Variants in NCALD observed in about 807,000 individuals in gnomAD.
NCALD encodes the protein neurocalcin-delta.
Under a neutral mutation model 18.6 loss-of-function variants are expected in NCALD, and 10 were observed. The ratio of observed to expected loss-of-function variants is 0.54; its 90% confidence interval spans 0.33 to 0.91. The LOEUF (loss-of-function observed/expected upper bound fraction) is 0.91, where lower values mean the gene tolerates loss of function less well. Among genes scored for constraint, NCALD ranks in the 40% least tolerant of loss-of-function variants. NCALD has a pLI of 0.03. For synonymous variants in NCALD, 88 were observed against 87.4 expected (o/e 1.01, Z -0.04); for missense variants, 184 against 247.6 (o/e 0.74, Z 1.72).
chr8:101,906,055 G>A (rs1258643250), intron 3 of NCALD, among the ~76,000 whole-genome samples: 1 of 152,116 alleles, frequency 6.6e-6, no homozygotes, highest in Non-Finnish European at 1.5e-5. Flanking sequence ...CTCATTGTTT[G>A]CTTACCATCA....
intron 4 of NCALD, among the ~76,000 whole-genome samples, chr8:101,882,268 T>C (rs1247260885): frequency 6.6e-6 from 1 of 152,154 alleles, no homozygotes; most frequent in African/African-American, 2.4e-5. Flanking sequence ...CTCCCCACAT[T>C]CATATGTTGA....
At chr8:101,926,160 A>G (rs1166475559) in intron 2 of NCALD, among the ~76,000 whole-genome samples, 1 of 152,208 alleles carries the variant, frequency 6.6e-6, no homozygotes, top group Non-Finnish European at 1.5e-5. Flanking sequence ...GCCAACAAGA[A>G]CAAGAACACC....
chr8:101,940,038 T>A (rs968752655), intron 2 of NCALD, among the ~76,000 whole-genome samples: 1 of 152,216 alleles, frequency 6.6e-6, no homozygotes, highest in African/African-American at 2.4e-5. Flanking sequence ...TTAGCCTGCC[T>A]TTATTCCTAT....
Position 101,718,131 on chromosome 8 carries a change from T to C in NCALD, c.378+1121A>G, listed in dbSNP as rs1398211250. 2.0e-5 allele frequency among the ~76,000 whole-genome samples: 3 copies of C among 152,294 alleles called. No homozygotes were observed. In the South Asian group the frequency reaches 6.2e-4, roughly 32 times the overall value. The stretch of plus-strand genomic sequence containing the variant: ...GAGTGTCTGAGCATTTTGTAAGGAA[T>C]GGGTGTCCTTACAATTATAGCCTGG... On this transcript the variant is annotated intron_variant, in intron 2 of 3. Coordinates refer to ENST00000220931, the MANE Select transcript of NCALD (RefSeq NM_032041.3).
intron 1 of NCALD, among the ~76,000 whole-genome samples, chr8:101,738,008 A>C (rs1810002003): frequency 6.6e-6 from 1 of 152,188 alleles, no homozygotes; most frequent in Non-Finnish European, 1.5e-5. Context: ...CCTGGCAATC[A>C]TTCAGTTGGT....
chr8:101,864,593 CTTTTTTTTT>C, intron 4 of NCALD, among the ~76,000 whole-genome samples: 1 of 136,876 alleles, frequency 7.3e-6, no homozygotes, highest in Non-Finnish European at 1.6e-5. Context: ...TCTTTCCTTT[CTTTTTTTTT>C]TTTTTTTCTG....
intron 1 of NCALD, among the ~76,000 whole-genome samples, chr8:101,730,532 T>C (rs551789789): frequency 6.7e-6 from 1 of 149,260 alleles, no homozygotes; most frequent in African/African-American, 2.5e-5. Flanking sequence ...CTCCATGTTA[T>C]ACATATAGAT....
chr8:102,115,041 A>G (rs773897000), intron 1 of NCALD, among the ~76,000 whole-genome samples: 1 of 152,250 alleles, frequency 6.6e-6, no homozygotes, highest in African/African-American at 2.4e-5. Context: ...GCAGGGCCCC[A>G]TGCTGGCATT....
At chr8:101,882,110 C>T (rs1036192761) in intron 4 of NCALD, among the ~76,000 whole-genome samples, 2 of 152,156 alleles carry the variant, frequency 1.3e-5, no homozygotes, top group African/African-American at 2.4e-5. Context: ...AAGACACTCC[C>T]TTCCAGAAGA....
chr8:102,072,066 T>G (rs574414103), intron 1 of NCALD, among the ~76,000 whole-genome samples: 2 of 146,670 alleles, frequency 1.4e-5, no homozygotes, highest in South Asian at 4.2e-4. Context: ...CGGCCAGACT[T>G]CAAGACCTAC....
chr8:101,738,552 C>CAAAAAAAAAAAAAAAA (rs34205453), intron 1 of NCALD, among the ~76,000 whole-genome samples: 4 of 127,914 alleles, frequency 3.1e-5, no homozygotes, highest in Non-Finnish European at 4.9e-5. Context: ...CTCAAAAAAA[C>CAAAAAAAAAAAAAAAA]AAAAAAAAAA....
At chr8:101,788,227 A>T (rs1035354785) in intron 1 of NCALD, among the ~76,000 whole-genome samples, 7 of 152,208 alleles carry the variant, frequency 4.6e-5, no homozygotes, top group African/African-American at 1.7e-4. Context: ...ACCTTTTGGC[A>T]TCACTAACGT....
At chr8:102,094,950 A>G (rs1203842537) in intron 1 of NCALD, among the ~76,000 whole-genome samples, 1 of 152,218 alleles carries the variant, frequency 6.6e-6, no homozygotes, top group African/African-American at 2.4e-5. Context: ...AACAGGGCCC[A>G]GCTGGCATCT....
At chr8:102,051,377 G>A (rs1185472284) in intron 1 of NCALD, among the ~76,000 whole-genome samples, 1 of 152,174 alleles carries the variant, frequency 6.6e-6, no homozygotes, top group Non-Finnish European at 1.5e-5. Flanking sequence ...ACAGGTCTCA[G>A]TACGTGGTAC....
At chr8:101,697,741 G>T (rs1014216791) in intron 2 of NCALD, among the ~76,000 whole-genome samples, 1 of 150,420 alleles carries the variant, frequency 6.6e-6, no homozygotes, top group African/African-American at 2.4e-5. Flanking sequence ...TTTGATAAAG[G>T]CCTTCATGTT....
intron 2 of NCALD, among the ~76,000 whole-genome samples, chr8:101,922,249 G>C (rs1373525287): frequency 2.6e-5 from 4 of 151,802 alleles, no homozygotes; most frequent in Non-Finnish European, 5.9e-5. Context: ...GCAGTGACTA[G>C]AGCTGACCTA....
rs574803248 is a variant in NCALD at position 102,039,326 on chromosome 8, T to C, written c.-209-19037A>G. 5.3e-5 allele frequency among the ~76,000 whole-genome samples: 8 copies of C among 152,238 alleles called. No individual in the cohort carries two copies. The South Asian group carries it at 1.7e-3, about 32-fold the overall frequency. On this transcript the variant is annotated intron_variant, in intron 1 of 6. Transcript: ENST00000311028. ...CAATAGAAAAGGAATATAATGATGA[T>C]TGTTAGAATATGGGTTGCTGATGTT...
chr8:102,052,579 CT>C lies in NCALD; in HGVS notation c.-209-32291del, dbSNP rs1468542555. ...CACATAATTCAGGAACTTTATTTTC[CT>C]TAAAGACTTCCATCTCTTCCCCAAC... On this transcript the variant is annotated intron_variant, in intron 1 of 6. Transcript: ENST00000311028. Among the ~76,000 whole-genome samples the C allele has an allele frequency of 5.3e-4, 80 of 152,316 alleles. 1 individual carries two copies. The highest frequency in any genetic ancestry group is 3.3e-4 in the Admixed American group (5 of 15,302).
At chr8:101,902,165 A>T (rs1817452213) in intron 3 of NCALD, among the ~76,000 whole-genome samples, 1 of 151,670 alleles carries the variant, frequency 6.6e-6, no homozygotes, top group African/African-American at 2.4e-5. Flanking sequence ...TTTTTTCTTC[A>T]GCCTATTTGA....
Sources: allele counts gnomAD v4.1 joint callset (sites outside exome capture counted in the v4.1 genomes callset), GRCh38; gene constraint gnomAD v4.1.1; transcripts MANE v1.5; gene names NCBI Gene and HGNC (gene_info 2026-07-23, HGNC 2026-07-21).